The following GRM8 variants were observed in gnomAD, a reference collection of about 807,000 sequenced individuals.
GRM8 encodes the protein metabotropic glutamate receptor 8.
GRM8 carries 47 observed loss-of-function variants against 87.2 expected under a neutral mutation model. That is an observed-to-expected ratio of 0.54 (90% CI 0.43 to 0.69). The LOEUF is 0.69. Among genes scored for constraint, GRM8 ranks in the 30% least tolerant of loss-of-function variants. The pLI is 0.00. For missense variants in GRM8, 1,019 were observed against 1,139.2 expected (o/e 0.89, Z 1.52); for synonymous variants, 396 against 404.5 (o/e 0.98, Z 0.25).
At chr7:127,179,702 A>G (rs536715285) in intron 2 of GRM8, among the ~76,000 whole-genome samples, 2 of 152,280 alleles carry the variant, frequency 1.3e-5, no homozygotes, top group African/African-American at 4.8e-5. Context: ...AGGAACCTTC[A>G]GAACCATGCA....
At chr7:126,514,210 T>A (rs913232143) in intron 9 of GRM8, among the ~76,000 whole-genome samples, 2 of 152,124 alleles carry the variant, frequency 1.3e-5, no homozygotes, top group African/African-American at 4.8e-5. Flanking sequence ...TCTGTTTTTG[T>A]TTCTCTCATT....
At chr7:126,591,464 G>A (rs769019089) in intron 8 of GRM8, among the ~76,000 whole-genome samples, 1 of 151,956 alleles carries the variant, frequency 6.6e-6, no homozygotes, top group Non-Finnish European at 1.5e-5. Context: ...GCATTAGAGA[G>A]GTCATCAAGA....
chr7:126,603,946 T>C (rs544601161), intron 8 of GRM8, among the ~76,000 whole-genome samples: 5 of 152,192 alleles, frequency 3.3e-5, no homozygotes, highest in South Asian at 4.1e-4. Context: ...TTTTTCATTA[T>C]ATAAAAGCTG....
intron 7 of GRM8, among the ~76,000 whole-genome samples, chr7:126,652,694 G>A (rs555755191): frequency 5.9e-5 from 9 of 152,256 alleles, no homozygotes; most frequent in African/African-American, 1.7e-4. Flanking sequence ...TCAGCTTTGG[G>A]GCTCAAACTG....
At chr7:127,051,523 A>C (rs1241794459) in intron 3 of GRM8, among the ~76,000 whole-genome samples, 2 of 152,126 alleles carry the variant, frequency 1.3e-5, no homozygotes, top group African/African-American at 4.8e-5. Context: ...CACCAGCAGA[A>C]AAACTCAGAT....
intron 8 of GRM8, among the ~76,000 whole-genome samples, chr7:126,579,562 T>G (rs1159381716): frequency 6.6e-6 from 1 of 152,164 alleles, no homozygotes; most frequent in Non-Finnish European, 1.5e-5. Flanking sequence ...TAGGCTTTGC[T>G]CTGATGCAGG....
chr7:126,700,165 T>C (rs756402763), intron 7 of GRM8, among the ~76,000 whole-genome samples: 2 of 152,152 alleles, frequency 1.3e-5, no homozygotes, highest in South Asian at 4.1e-4. Context: ...TTGTATTATG[T>C]CTAAGATTGG....
At chr7:126,564,921 T>C (rs940344834) in intron 8 of GRM8, among the ~76,000 whole-genome samples, 5 of 152,194 alleles carry the variant, frequency 3.3e-5, no homozygotes, top group African/African-American at 1.2e-4. Context: ...GATGGCAACA[T>C]ATGAAAATCA....
At chr7:126,903,084 T>C (rs762962182) in intron 5 of GRM8, among the ~76,000 whole-genome samples, 2 of 152,214 alleles carry the variant, frequency 1.3e-5, no homozygotes, top group Non-Finnish European at 2.9e-5. Flanking sequence ...GTTCCAGACT[T>C]TCCTGTGTTT....
chr7:126,771,853 C>G (rs1563172649), intron 6 of GRM8, among the ~76,000 whole-genome samples: 1 of 152,026 alleles, frequency 6.6e-6, no homozygotes, highest in Non-Finnish European at 1.5e-5. Context: ...GATTACTTCT[C>G]AAAAGTTATA....
intron 2 of GRM8, among the ~76,000 whole-genome samples, chr7:127,197,468 C>A (rs911762961): frequency 6.6e-6 from 1 of 152,066 alleles, no homozygotes; most frequent in Admixed American, 6.6e-5. Context: ...ACCAAAGAAA[C>A]AATACTTTTT....
intron 3 of GRM8, among the ~76,000 whole-genome samples, chr7:126,965,287 TACC>T (rs1809734518): frequency 6.6e-6 from 1 of 152,110 alleles, no homozygotes. Context: ...TCTGCACATG[TACC>T]CCAGAACTTA....
intron 9 of GRM8, among the ~76,000 whole-genome samples, chr7:126,497,662 G>A (rs1808968179): frequency 6.6e-6 from 1 of 151,914 alleles, no homozygotes; most frequent in Admixed American, 6.6e-5. Context: ...TAGATGGAAT[G>A]GTTTTTATCC....
intron 6 of GRM8, among the ~76,000 whole-genome samples, chr7:126,876,284 G>C (rs1483992775): frequency 6.6e-6 from 1 of 152,144 alleles, no homozygotes; most frequent in African/African-American, 2.4e-5. Flanking sequence ...CGCTCCATTG[G>C]TGTTTGTTGA....
intron 7 of GRM8, among the ~76,000 whole-genome samples, chr7:126,683,101 A>C (rs1030587903): frequency 1.3e-5 from 2 of 152,232 alleles, no homozygotes; most frequent in Non-Finnish European, 2.9e-5. Context: ...GGTAGGATAT[A>C]CTGAATAAGC....
intron 2 of GRM8, among the ~76,000 whole-genome samples, chr7:127,184,308 C>A (rs1794629130): frequency 2.0e-5 from 3 of 151,516 alleles, no homozygotes. Flanking sequence ...ACATCATGAC[C>A]AAGTGAGATT....
intron 2 of GRM8, among the ~76,000 whole-genome samples, chr7:127,234,897 G>A (rs558300359): frequency 3.3e-5 from 5 of 152,288 alleles, no homozygotes; most frequent in Non-Finnish European, 5.9e-5. Context: ...TGTTAAAACC[G>A]CTGCAGTCTT....
At chr7:126,845,641 G>C (rs1796650050) in intron 6 of GRM8, among the ~76,000 whole-genome samples, 1 of 152,068 alleles carries the variant, frequency 6.6e-6, no homozygotes, top group Non-Finnish European at 1.5e-5. Flanking sequence ...AGTCAAAAAA[G>C]CATATATTTA....
At chr7:127,095,193 A>T (rs976272542) in intron 3 of GRM8, among the ~76,000 whole-genome samples, 2 of 152,218 alleles carry the variant, frequency 1.3e-5, no homozygotes, top group African/African-American at 4.8e-5. Flanking sequence ...CTGGTGGGAC[A>T]TCACTGTGAG....
Sources: gnomAD v4.1 joint callset for allele counts (sites outside exome capture counted in the v4.1 genomes callset) on GRCh38, gnomAD v4.1.1 for gene constraint, MANE v1.5 for transcripts, NCBI Gene and HGNC (gene_info 2026-07-23, HGNC 2026-07-21) for gene names.